Variants in FARP1 observed in about 807,000 individuals in gnomAD.
FARP1 encodes FERM, ARH/RhoGEF and pleckstrin domain protein 1.
Under a neutral mutation model 128.8 loss-of-function variants are expected in FARP1, and 52 were observed. That is an observed-to-expected ratio of 0.40 (90% CI 0.32 to 0.51). The LOEUF (loss-of-function observed/expected upper bound fraction) is 0.51, where lower values mean the gene tolerates loss of function less well. FARP1 is among the 20% of genes least tolerant of loss of function. The pLI is 0.45. For missense variants in FARP1, 1,333 were observed against 1,367.9 expected, an observed-to-expected ratio of 0.97 and a Z score of 0.40; for synonymous variants, 580 against 551.8, an observed-to-expected ratio of 1.05 and a Z score of -0.72.
chr13:98,313,152 C>A (rs1002771114), intron 2 of FARP1, among the ~76,000 whole-genome samples: 1 of 132,668 alleles, frequency 7.5e-6, no homozygotes, highest in Non-Finnish European at 1.6e-5. Context: ...TCACTCGAAT[C>A]GGGTGGGTCA....
At chr13:98,148,911 G>T (rs565041703) in intron 1 of FARP1, among the ~76,000 whole-genome samples, 16 of 151,368 alleles carry the variant, frequency 1.1e-4, no homozygotes, top group African/African-American at 3.6e-4. Flanking sequence ...TTTGAGTCAG[G>T]TTCTCACTCC....
chr13:98,249,718 C>CAA (rs1351886257), intron 2 of FARP1, among the ~76,000 whole-genome samples: 124 of 152,228 alleles, frequency 8.1e-4, no homozygotes, highest in African/African-American at 2.6e-3. Context: ...AGAAATATCA[C>CAA]ACAGGCCTTG....
At chr13:98,199,562 TAAGCA>T (rs1879802549) in intron 1 of FARP1, among the ~76,000 whole-genome samples, 1 of 152,206 alleles carries the variant, frequency 6.6e-6, no homozygotes, top group Non-Finnish European at 1.5e-5. Context: ...AGGCATTGAG[TAAGCA>T]AAGCCAGTAA....
chr13:98,442,755 C>T (rs551896735), intron 24 of FARP1, among the ~76,000 whole-genome samples: 1 of 152,228 alleles, frequency 6.6e-6, no homozygotes, highest in East Asian at 1.9e-4. Flanking sequence ...GAAACGAGGC[C>T]TCATCAGATC....
intron 2 of FARP1, among the ~76,000 whole-genome samples, chr13:98,217,351 G>A (rs1881131733): frequency 6.6e-6 from 1 of 152,206 alleles, no homozygotes; most frequent in Non-Finnish European, 1.5e-5. Context: ...GTTAGAAGGA[G>A]TGGTGGCCAG....
intron 2 of FARP1, among the ~76,000 whole-genome samples, chr13:98,278,610 A>G (rs1461035108): frequency 6.6e-6 from 1 of 152,170 alleles, no homozygotes; most frequent in Admixed American, 6.5e-5. Flanking sequence ...GATTGGCATA[A>G]TAACCACTAC....
At chr13:98,242,728 A>C (rs1882847881) in intron 2 of FARP1, among the ~76,000 whole-genome samples, 1 of 152,226 alleles carries the variant, frequency 6.6e-6, no homozygotes, top group Non-Finnish European at 1.5e-5. Flanking sequence ...GCTATGGAAA[A>C]ACATAGTAAA....
At chr13:98,415,016 G>A (rs1292534862) in intron 16 of FARP1, among the ~76,000 whole-genome samples, 1 of 152,246 alleles carries the variant, frequency 6.6e-6, no homozygotes, top group Non-Finnish European at 1.5e-5. Flanking sequence ...GATTTCTGAA[G>A]CCTAAGTGCA....
At chr13:98,164,161 G>T (rs1877080165) in intron 1 of FARP1, among the ~76,000 whole-genome samples, 1 of 152,194 alleles carries the variant, frequency 6.6e-6, no homozygotes, top group Non-Finnish European at 1.5e-5. Flanking sequence ...TAGCATGTAA[G>T]ATTGTGCAGG....
intron 2 of FARP1, among the ~76,000 whole-genome samples, chr13:98,327,578 A>G (rs756394809): frequency 4.6e-5 from 7 of 152,226 alleles, no homozygotes; most frequent in Admixed American, 2.0e-4. Context: ...CATTGAGAGC[A>G]ACAAAGTTAA....
intron 13 of FARP1, chr13:98,401,125 G>GT: frequency 6.6e-6 from 1 of 152,270 alleles, no homozygotes; most frequent in African/African-American, 2.4e-5. Flanking sequence ...AGCCAAGCCC[G>GT]TAAGAGCATA....
At chr13:98,316,642 C>A (rs571103204) in intron 2 of FARP1, among the ~76,000 whole-genome samples, 312 of 152,284 alleles carry the variant, frequency 2.0e-3, no homozygotes, top group Admixed American at 4.5e-3. Flanking sequence ...CGTTGTAACA[C>A]AGCTAAAGTT....
At chr13:98,180,364 A>C (rs1236676273) in intron 1 of FARP1, among the ~76,000 whole-genome samples, 1 of 152,110 alleles carries the variant, frequency 6.6e-6, no homozygotes, top group East Asian at 1.9e-4. Flanking sequence ...ACCACTCATG[A>C]GGCATCCACC....
At chr13:98,190,997 C>T (rs1225971980) in intron 1 of FARP1, among the ~76,000 whole-genome samples, 1 of 152,178 alleles carries the variant, frequency 6.6e-6, no homozygotes, top group East Asian at 1.9e-4. Context: ...CTCCCCCGGT[C>T]CTGCCTCTGG....
At chr13:98,278,918 C>T (rs7322634) in intron 2 of FARP1, among the ~76,000 whole-genome samples, 12,640 of 151,790 alleles carry the variant, frequency 0.083, 1,060 homozygotes, top group African/African-American at 0.22. Context: ...CTCCGCCTCC[C>T]GGGTTCATGC....
At chr13:98,275,933 A>G (rs887269495) in intron 2 of FARP1, among the ~76,000 whole-genome samples, 1 of 152,246 alleles carries the variant, frequency 6.6e-6, no homozygotes, top group Non-Finnish European at 1.5e-5. Flanking sequence ...TGGAAAAATT[A>G]TGATCTGTGT....
At chr13:98,145,511 C>T (rs1418734412) in intron 1 of FARP1, among the ~76,000 whole-genome samples, 1 of 152,108 alleles carries the variant, frequency 6.6e-6, no homozygotes, top group African/African-American at 2.4e-5. Flanking sequence ...TTGCATTCAC[C>T]TCAGAATTAT....
At chr13:98,360,436 T>A (rs1299611165) in intron 3 of FARP1, among the ~76,000 whole-genome samples, 1 of 150,126 alleles carries the variant, frequency 6.7e-6, no homozygotes, top group Non-Finnish European at 1.5e-5. Flanking sequence ...CCTTGGTGTA[T>A]GTAGGCCCTA....
At chr13:98,275,171 A>T (rs1283975767) in intron 2 of FARP1, among the ~76,000 whole-genome samples, 1 of 152,134 alleles carries the variant, frequency 6.6e-6, no homozygotes, top group Non-Finnish European at 1.5e-5. Context: ...GTAATAAGTT[A>T]ATGCCTTAAC....
Sources: gnomAD v4.1 joint callset for allele counts (sites outside exome capture counted in the v4.1 genomes callset) on GRCh38, gnomAD v4.1.1 for gene constraint, MANE v1.5 for transcripts, NCBI Gene and HGNC (gene_info 2026-07-23, HGNC 2026-07-21) for gene names.